GPC6: variants seen among roughly 807,000 people sequenced by gnomAD.
GPC6 encodes glypican-6.
Under a neutral mutation model 55.2 loss-of-function variants are expected in GPC6, and 14 were observed. The observed-to-expected ratio is 0.25, with a 90% CI of 0.17 to 0.40. The LOEUF (loss-of-function observed/expected upper bound fraction) is 0.40, where lower values mean the gene tolerates loss of function less well. Ranked by LOEUF, GPC6 falls within the 10% of genes least tolerant of loss-of-function variation. The probability of loss-of-function intolerance (pLI) is 1.00; values close to 1 mark genes in which losing one functional copy is unlikely to be tolerated. For missense variants in GPC6, 641 were observed against 708.5 expected (o/e 0.90, Z 1.08); for synonymous variants, 278 against 259.6 (o/e 1.07, Z -0.68).
At chr13:93,911,498 G>A (rs1485615954) in intron 3 of GPC6, among the ~76,000 whole-genome samples, 4 of 152,150 alleles carry the variant, frequency 2.6e-5, no homozygotes, top group Non-Finnish European at 5.9e-5. Context: ...TTACAAGGAT[G>A]TGAGGCATGA....
rs531467897 is a variant in GPC6 at position 93,961,598 on chromosome 13, C to A, written c.712-66131C>A. Reference sequence around the variant, plus strand: ...TTGAAATGCATAGACCATCACAATTCCTTTTAGTGATGAAGGGAAACATTA... The same window carrying A: ...TTGAAATGCATAGACCATCACAATTACTTTTAGTGATGAAGGGAAACATTA... On this transcript the variant is annotated intron_variant, in intron 3 of 8. Coordinates refer to ENST00000377047, the MANE Select transcript of GPC6 (RefSeq NM_005708.5). 2.3e-4 allele frequency among the ~76,000 whole-genome samples: 35 copies of A among 152,244 alleles called. 1 individual carries two copies. In the South Asian group the frequency reaches 4.1e-3, roughly 18 times the overall value.
chr13:93,418,955 G>A lies in GPC6; in HGVS notation c.161-126308G>A, dbSNP rs1478611168. Among the ~76,000 whole-genome samples, 3 of 150,430 alleles carry A rather than the reference G, an allele frequency of 2.0e-5. 1 individual carries two copies. Among genetic ancestry groups the A allele is most frequent in the South Asian group, 4.2e-4 (2 of 4,756 alleles). ...ATACCATAGTATTATTTTATTAATAGCACTATACTGTAGTATCATTTTATT... is the reference window on the plus strand; with the variant it reads ...ATACCATAGTATTATTTTATTAATAACACTATACTGTAGTATCATTTTATT... On this transcript the variant is annotated intron_variant, in intron 1 of 8. Transcript: ENST00000377047.
chr13:93,683,037 A>G (rs1881909843), intron 2 of GPC6, among the ~76,000 whole-genome samples: 1 of 152,036 alleles, frequency 6.6e-6, no homozygotes, highest in South Asian at 2.1e-4. Context: ...CAAAAAGAAA[A>G]AGAAAAAGAA....
At chr13:93,474,690 T>C (rs935294476) in intron 1 of GPC6, among the ~76,000 whole-genome samples, 19 of 152,246 alleles carry the variant, frequency 1.2e-4, no homozygotes, top group South Asian at 6.2e-4. Context: ...CTCTTCCATA[T>C]ACTGTGTACT....
At chr13:93,685,772 G>A (rs1209652173) in intron 2 of GPC6, among the ~76,000 whole-genome samples, 1 of 152,020 alleles carries the variant, frequency 6.6e-6, no homozygotes, top group Non-Finnish European at 1.5e-5. Context: ...ACATTTCACA[G>A]TTAAGGGGGC....
chr13:94,202,984 A>G (rs575428122), intron 4 of GPC6, among the ~76,000 whole-genome samples: 2 of 152,252 alleles, frequency 1.3e-5, no homozygotes, highest in South Asian at 2.1e-4. Flanking sequence ...ATAGCATTAG[A>G]GAAAAATCAC....
intron 2 of GPC6, among the ~76,000 whole-genome samples, chr13:93,600,750 G>A (rs1489377477): frequency 6.6e-6 from 1 of 151,576 alleles, no homozygotes; most frequent in East Asian, 2.0e-4. Flanking sequence ...AGGAGTTCGA[G>A]CACAGCCTGG....
At chr13:93,294,468 G>T (rs1301213539) in intron 1 of GPC6, among the ~76,000 whole-genome samples, 1 of 151,202 alleles carries the variant, frequency 6.6e-6, no homozygotes, top group African/African-American at 2.4e-5. Flanking sequence ...CTGCAAAAAA[G>T]ACAAAACAAA....
intron 1 of GPC6, among the ~76,000 whole-genome samples, chr13:93,483,407 G>T (rs1278450996): frequency 4.6e-5 from 7 of 151,992 alleles, no homozygotes; most frequent in Non-Finnish European, 1.0e-4. Flanking sequence ...GATATACTTT[G>T]TGTTGTAAAA....
intron 5 of GPC6, among the ~76,000 whole-genome samples, chr13:94,295,042 C>T (rs932259020): frequency 6.6e-5 from 10 of 152,126 alleles, no homozygotes; most frequent in South Asian, 6.2e-4. Context: ...AGACTTCCAG[C>T]GATAAGGAAT....
intron 2 of GPC6, among the ~76,000 whole-genome samples, chr13:93,565,271 A>G (rs537296933): frequency 2.0e-4 from 30 of 152,236 alleles, no homozygotes; most frequent in African/African-American, 5.3e-4. Context: ...TCAATTATGT[A>G]CCTGCTCCAC....
At chr13:93,237,384 C>T (rs1222313777) in intron 1 of GPC6, among the ~76,000 whole-genome samples, 1 of 151,852 alleles carries the variant, frequency 6.6e-6, no homozygotes, top group Non-Finnish European at 1.5e-5. Flanking sequence ...AAAAACGTCT[C>T]TTCATGTCAT....
At chr13:93,681,909 G>A (rs1405480929) in intron 2 of GPC6, among the ~76,000 whole-genome samples, 1 of 152,110 alleles carries the variant, frequency 6.6e-6, no homozygotes, top group Admixed American at 6.5e-5. Flanking sequence ...ATCCCTGCAA[G>A]ATGCATTTTT....
chr13:93,287,540 A>T (rs753664152), intron 1 of GPC6, among the ~76,000 whole-genome samples: 58 of 152,238 alleles, frequency 3.8e-4, no homozygotes, highest in Non-Finnish European at 4.0e-4. Flanking sequence ...CATCTTGAAG[A>T]ACTTATCATC....
At chr13:93,250,568 C>T (rs1290369251) in intron 1 of GPC6, among the ~76,000 whole-genome samples, 1 of 152,160 alleles carries the variant, frequency 6.6e-6, no homozygotes, top group Non-Finnish European at 1.5e-5. Context: ...CCATGACAAG[C>T]CTCTGGTTTG....
intron 7 of GPC6, among the ~76,000 whole-genome samples, chr13:94,396,509 G>T (rs894817320): frequency 1.3e-5 from 2 of 152,214 alleles, no homozygotes; most frequent in African/African-American, 4.8e-5. Context: ...AGCTTCAAGG[G>T]GTGAGTTTGT....
At chr13:94,286,518 T>G (rs767991945) in intron 5 of GPC6, 39 bp downstream of exon 5, 1 of 1,571,066 alleles carries the variant, frequency 6.4e-7, no homozygotes, top group South Asian at 1.1e-5. Context: ...TACATGTATG[T>G]TATACAGGTG....
At chr13:93,725,672 A>C (rs1439957357) in intron 2 of GPC6, among the ~76,000 whole-genome samples, 2 of 152,082 alleles carry the variant, frequency 1.3e-5, no homozygotes, top group Non-Finnish European at 2.9e-5. Flanking sequence ...TATTAGAGTC[A>C]TTAAGTTGTT....
At chr13:93,781,964 C>CT (rs1277695860) in intron 2 of GPC6, among the ~76,000 whole-genome samples, 9 of 152,096 alleles carry the variant, frequency 5.9e-5, no homozygotes, top group South Asian at 2.1e-4. Flanking sequence ...TTAAAATCTA[C>CT]TTTTTTTAGC....
Sources: allele counts gnomAD v4.1 joint callset (sites outside exome capture counted in the v4.1 genomes callset), GRCh38; gene constraint gnomAD v4.1.1; transcripts MANE v1.5; gene names NCBI Gene and HGNC (gene_info 2026-07-23, HGNC 2026-07-21).